PKHD1L1: variants seen among roughly 807,000 people sequenced by gnomAD.
PKHD1L1 encodes the protein PKHD1 like 1.
Under a neutral mutation model 462.9 loss-of-function variants are expected in PKHD1L1, and 434 were observed. The observed-to-expected ratio is 0.94, with a 90% CI of 0.87 to 1.02. PKHD1L1 has a LOEUF of 1.02. PKHD1L1 is among the 50% of genes least tolerant of loss of function. PKHD1L1 has a pLI of 0.00. For synonymous variants in PKHD1L1, 1,781 were observed against 1,750.0 expected, an observed-to-expected ratio of 1.02 and a Z score of -0.44; for missense variants, 5,202 against 5,096.1, an observed-to-expected ratio of 1.02 and a Z score of -0.63.
At chr8:109,419,312 C>T in intron 22 of PKHD1L1, 52 bp downstream of exon 22, 1 of 1,389,998 alleles carries the variant, frequency 7.2e-7, no homozygotes, top group South Asian at 1.6e-5. Context: ...TAAAATCTTA[C>T]CATGGAAATT....
At chr8:109,487,932 G>GGAAGGAAC (rs1563600588) in intron 59 of PKHD1L1, among the ~76,000 whole-genome samples, 26 of 150,758 alleles carry the variant, frequency 1.7e-4, no homozygotes, top group East Asian at 1.2e-3. Flanking sequence ...AAGGAAGGAA[G>GGAAGGAAC]GAAGGAAGGA....
rs530692261 is a variant in PKHD1L1 at position 109,516,836 on chromosome 8, T to C, written c.11690-1331T>C. On this transcript the variant is annotated intron_variant, in intron 72 of 77. Transcript: ENST00000378402. Reference sequence around the variant, plus strand: ...GTTAGGAAAATAGGAACTATCTTCATAGGCAGAGAGTTCCACTAACATATA... The same window carrying C: ...GTTAGGAAAATAGGAACTATCTTCACAGGCAGAGAGTTCCACTAACATATA... Among the ~76,000 whole-genome samples the C allele has an allele frequency of 1.8e-4, 28 of 152,218 alleles. No individual in the cohort carries two copies. The South Asian group carries it at 5.8e-3, about 32-fold the overall frequency.
intron 46 of PKHD1L1, among the ~76,000 whole-genome samples, chr8:109,458,803 A>G (rs1396245363): frequency 6.6e-6 from 1 of 152,130 alleles, no homozygotes; most frequent in Non-Finnish European, 1.5e-5. Flanking sequence ...ATAATATATT[A>G]TACAATCAAG....
intron 67 of PKHD1L1, among the ~76,000 whole-genome samples, chr8:109,502,135 G>A (rs1783159): frequency 0.44 from 66,015 of 151,634 alleles, 14,810 homozygotes; most frequent in South Asian, 0.57. Context: ...TTGGAATTAT[G>A]TAATACATCC....
Position 109,366,691 on chromosome 8 carries a change from ATTT to A in PKHD1L1, c.163+2071_163+2073del, listed in dbSNP as rs373076991. On this transcript the variant is annotated intron_variant, in intron 2 of 77. Coordinates refer to ENST00000378402, the MANE Select transcript of PKHD1L1 (RefSeq NM_177531.6). ...GTTTATGACCATTCCTGTGGTTATGATTTTTTTTTTTTTTTTTTGAGACGGAGT... is the reference window on the plus strand; with the variant it reads ...GTTTATGACCATTCCTGTGGTTATGATTTTTTTTTTTTTTTGAGACGGAGT... 1.7e-3 allele frequency among the ~76,000 whole-genome samples: 230 copies of A among 137,642 alleles called. 1 individual carries two copies. The highest frequency in any genetic ancestry group is 6.1e-3 in the East Asian group (29 of 4,776). 90.3% of individuals were successfully genotyped at this position (137,642 alleles called of 152,430 possible). A position where few individuals can be genotyped will look rare whatever the true frequency, so the allele number is the denominator to read the frequency against.
rs182056196 is a variant in PKHD1L1 at position 109,464,736 on chromosome 8, C to A, written c.7904C>A (p.Thr2635Lys). ...WIFEEYFPMQTGSCTSTVPAP... is the reference protein window; with the variant it reads ...WIFEEYFPMQKGSCTSTVPAP... ...TTTGAGGAATATTTCCCCATGCAAA[C>A]GGGATCTTGTACATCTACAGTGCCT... Residue 2635 changes from threonine (T) to lysine (K), a missense_variant, in exon 49 of 78, where the codon ACG becomes AAG. Physicochemically the swap from Thr to Lys is moderately conservative, Grantham distance 78 (BLOSUM62 -1). This residue lies in a region of PKHD1L1 where 4,497 missense variants were observed against 4,336.8 expected (regional missense o/e 1.04). Coordinates refer to ENST00000378402, the MANE Select transcript of PKHD1L1 (RefSeq NM_177531.6). 1 of 1,613,672 alleles carries A rather than the reference C, an allele frequency of 6.2e-7. No homozygotes were observed. The highest frequency in any genetic ancestry group is 8.5e-7 in the Non-Finnish European group (1 of 1,179,798).
At chr8:109,459,245 A>G (rs893397092) in intron 46 of PKHD1L1, among the ~76,000 whole-genome samples, 2 of 152,148 alleles carry the variant, frequency 1.3e-5, no homozygotes, top group African/African-American at 2.4e-5. Context: ...GTCTTCAGGC[A>G]TTGCTAAATG....
chr8:109,412,046 T>C (rs543255897), intron 19 of PKHD1L1, among the ~76,000 whole-genome samples: 3 of 151,908 alleles, frequency 2.0e-5, no homozygotes, highest in Non-Finnish European at 4.4e-5. Context: ...AGGAAAAAAA[T>C]CAAACTTGGG....
Position 109,486,706 on chromosome 8 carries a change from G to T in PKHD1L1, c.9765G>T (p.Gly3255=). ...GCTACACGTTAGCAGCTGATGTTGG[G>T]ATACTGAGTAGGAACATCAAAATAG... ...GESYTLAADV[G]ILSRNIKIVG... The change falls in exon 59 of 78, where the codon GGG becomes GGT. Residue 3255 remains glycine, a synonymous_variant. Coordinates refer to ENST00000378402, the MANE Select transcript of PKHD1L1 (RefSeq NM_177531.6). The T allele has an allele frequency of 6.2e-7, 1 of 1,612,470 alleles. No homozygotes were observed.
rs529579553 is a variant in PKHD1L1 at position 109,376,156 on chromosome 8, G to A, written c.164-5214G>A. ...AGCTGTGGTGGGCTCCACCCAGTTC[G>A]AGCTTCCTGGCCACTTTGTTTACCT... On this transcript the variant is annotated intron_variant, in intron 2 of 77. Transcript: ENST00000378402. Among the ~76,000 whole-genome samples the A allele has an allele frequency of 2.4e-4, 37 of 152,356 alleles. No individual in the cohort carries two copies. In the East Asian group the frequency reaches 6.9e-3, roughly 29 times the overall value.
chr8:109,376,223 G>A (rs749839006), intron 2 of PKHD1L1, among the ~76,000 whole-genome samples: 1 of 152,320 alleles, frequency 6.6e-6, no homozygotes, highest in African/African-American at 2.4e-5. Context: ...CCCCAGCCTC[G>A]CTGCCGCCTT....
At chr8:109,397,701 A>G (rs956325148) in intron 11 of PKHD1L1, among the ~76,000 whole-genome samples, 5 of 152,094 alleles carry the variant, frequency 3.3e-5, no homozygotes, top group African/African-American at 9.7e-5. Context: ...AAAAACACAC[A>G]AACAATAAAA....
intron 48 of PKHD1L1, among the ~76,000 whole-genome samples, chr8:109,462,965 A>T (rs1817223576): frequency 6.6e-6 from 1 of 152,086 alleles, no homozygotes; most frequent in Non-Finnish European, 1.5e-5. Flanking sequence ...CACCACTGTT[A>T]TTTAAAATTG....
chr8:109,461,154 TC>T lies in PKHD1L1; in HGVS notation c.7247-617del, dbSNP rs1817100174. Reference sequence around the variant, plus strand: ...TGTCTCTTTTAAATTTTTTATGTAATCATTCATATCATTACAATACTATAAG... The same window carrying T: ...TGTCTCTTTTAAATTTTTTATGTAATATTCATATCATTACAATACTATAAG... On this transcript the variant is annotated intron_variant, in intron 47 of 77. Coordinates refer to ENST00000378402, the MANE Select transcript of PKHD1L1 (RefSeq NM_177531.6). 2.0e-5 allele frequency among the ~76,000 whole-genome samples: 3 copies of T among 152,200 alleles called. No individual in the cohort carries two copies. The South Asian group carries it at 6.2e-4, about 31-fold the overall frequency.
At chr8:109,380,091 G>A (rs1326987678) in intron 2 of PKHD1L1, among the ~76,000 whole-genome samples, 1 of 152,142 alleles carries the variant, frequency 6.6e-6, no homozygotes, top group Non-Finnish European at 1.5e-5. Context: ...ATCTACAATG[G>A]CTGATAGCAA....
chr8:109,515,969 G>A (rs1200490163), intron 72 of PKHD1L1, among the ~76,000 whole-genome samples: 1 of 151,750 alleles, frequency 6.6e-6, no homozygotes, highest in Non-Finnish European at 1.5e-5. Context: ...ATATAGATGT[G>A]TGTGGTAGAT....
chr8:109,453,590 G>C lies in PKHD1L1; in HGVS notation c.6665-577G>C, dbSNP rs530599490. On this transcript the variant is annotated intron_variant, in intron 43 of 77. Transcript: ENST00000378402. ...TTTTAACTTCTGGGAAAATAGAAAA[G>C]TTTCAGGTTTTTGAAGTTATTAAAT... 3.1e-3 allele frequency among the ~76,000 whole-genome samples: 476 copies of C among 152,236 alleles called. 2 individuals carry two copies. Among genetic ancestry groups the C allele is most frequent in the Non-Finnish European group, 5.4e-3 (365 of 68,000 alleles).
Position 109,415,864 on chromosome 8 carries a change from G to GGTGTGTGTGTGTGT in PKHD1L1, c.2360+2348_2360+2361dup, listed in dbSNP as rs552265043. Among the ~76,000 whole-genome samples the GGTGTGTGTGTGTGT allele has an allele frequency of 1.4e-3, 142 of 100,414 alleles. 1 individual carries two copies. Among genetic ancestry groups the GGTGTGTGTGTGTGT allele is most frequent in the African/African-American group, 4.5e-3 (130 of 28,756 alleles). The allele number at this position is 100,414 out of a possible 152,430, so 65.9% of individuals were successfully genotyped here. A position where few individuals can be genotyped will look rare whatever the true frequency, so the allele number is the denominator to read the frequency against. On this transcript the variant is annotated intron_variant, in intron 21 of 77. Coordinates refer to ENST00000378402, the MANE Select transcript of PKHD1L1 (RefSeq NM_177531.6). ...CCTTGTCTTAAAAAAAAAAAAAAGG[G>GGTGTGTGTGTGTGT]GTGTGTGTGTGTGTGTGTGTGTGTG...
chr8:109,513,065 G>A (rs1354377802), intron 71 of PKHD1L1, among the ~76,000 whole-genome samples: 1 of 151,508 alleles, frequency 6.6e-6, no homozygotes, highest in African/African-American at 2.4e-5. Flanking sequence ...AGACTTTGCT[G>A]AAGTTGCTTA....
Sources: allele counts gnomAD v4.1 joint callset (sites outside exome capture counted in the v4.1 genomes callset), GRCh38; gene constraint gnomAD v4.1.1; regional missense constraint gnomAD v4.1.1; transcripts MANE v1.5; gene names NCBI Gene and HGNC (gene_info 2026-07-23, HGNC 2026-07-21).